Variants in EFCAB11 observed in about 807,000 individuals in gnomAD.
EFCAB11 encodes EF-hand calcium-binding domain-containing protein 11.
EFCAB11 carries 14 observed loss-of-function variants against 23.0 expected under a neutral mutation model. The observed-to-expected ratio is 0.61, with a 90% CI of 0.40 to 0.95. The LOEUF (loss-of-function observed/expected upper bound fraction) is 0.95, where lower values mean the gene tolerates loss of function less well. Among genes scored for constraint, EFCAB11 ranks in the 40% least tolerant of loss-of-function variants. The pLI is 0.00. For synonymous variants in EFCAB11, 65 were observed against 66.6 expected, an observed-to-expected ratio of 0.98 and a Z score of 0.11; for missense variants, 198 against 195.8, an observed-to-expected ratio of 1.01 and a Z score of -0.07.
chr14:89,865,091 C>T (rs1057144641), intron 5 of EFCAB11, among the ~76,000 whole-genome samples: 1 of 152,260 alleles, frequency 6.6e-6, no homozygotes, highest in African/African-American at 2.4e-5. Flanking sequence ...GGCCGGGAGC[C>T]GCTGCAGTCA....
At chr14:89,901,741 T>C (rs995546147) in intron 5 of EFCAB11, among the ~76,000 whole-genome samples, 1 of 152,116 alleles carries the variant, frequency 6.6e-6, no homozygotes, top group Non-Finnish European at 1.5e-5. Context: ...GTGTGAAATA[T>C]GATATGACAT....
intron 5 of EFCAB11, among the ~76,000 whole-genome samples, chr14:89,927,561 A>G (rs59664157): frequency 0.19 from 28,639 of 152,066 alleles, 3,112 homozygotes; most frequent in South Asian, 0.32. Flanking sequence ...ATTTTGCATC[A>G]CTAATAGCCT....
chr14:89,935,836 T>C (rs1890561522), intron 3 of EFCAB11, among the ~76,000 whole-genome samples: 1 of 152,080 alleles, frequency 6.6e-6, no homozygotes, highest in Non-Finnish European at 1.5e-5. Context: ...AGGCAAAACC[T>C]ATCTCCACTA....
At chr14:89,822,753 G>C (rs1159959397) in intron 5 of EFCAB11, among the ~76,000 whole-genome samples, 2 of 152,004 alleles carry the variant, frequency 1.3e-5, no homozygotes, top group Non-Finnish European at 2.9e-5. Flanking sequence ...ACTGAGAGTG[G>C]AGACCTCACT....
chr14:89,947,635 C>T (rs1434564957), intron 3 of EFCAB11, among the ~76,000 whole-genome samples: 2 of 152,198 alleles, frequency 1.3e-5, no homozygotes, highest in African/African-American at 4.8e-5. Flanking sequence ...ATAGTGCTGA[C>T]CACACCTTCC....
chr14:89,943,848 T>C (rs1359640490), intron 3 of EFCAB11, among the ~76,000 whole-genome samples: 2 of 150,318 alleles, frequency 1.3e-5, no homozygotes, highest in Admixed American at 6.6e-5. Flanking sequence ...CACACACACA[T>C]ACATACACAC....
At chr14:89,811,880 G>A (rs1332664204) in intron 5 of EFCAB11, among the ~76,000 whole-genome samples, 1 of 152,206 alleles carries the variant, frequency 6.6e-6, no homozygotes, top group Non-Finnish European at 1.5e-5. Context: ...ATACAAAGGA[G>A]ATGATCATGA....
chr14:89,891,932 G>A (rs1421022971), intron 5 of EFCAB11, among the ~76,000 whole-genome samples: 1 of 152,054 alleles, frequency 6.6e-6, no homozygotes, highest in East Asian at 1.9e-4. Context: ...CACGGTGGGC[G>A]CCGAGTGCTA....
At chr14:89,841,046 T>C (rs1887245342) in intron 5 of EFCAB11, among the ~76,000 whole-genome samples, 1 of 152,196 alleles carries the variant, frequency 6.6e-6, no homozygotes, top group Non-Finnish European at 1.5e-5. Flanking sequence ...GTCTTCTTCC[T>C]CACACTGCCT....
In EFCAB11 at chr14:89,796,308, T is replaced by C. The variant is rs902961577; in HGVS notation, c.*935A>G. The C allele has an allele frequency of 2.0e-5, 3 of 152,156 alleles. No individual in the cohort carries two copies. Among genetic ancestry groups the C allele is most frequent in the African/African-American group, 7.2e-5 (3 of 41,422 alleles). 9.4% of individuals were successfully genotyped at this position (152,156 alleles called of 1,614,324 possible). On this transcript the variant is annotated 3_prime_UTR_variant, in exon 6 of 6. Transcript: ENST00000316738. ...GAAGTCTTTATATGTTTTTTTTTAATTGAAAGTGTTTTTTTAGAGACAGGG... is the reference window on the plus strand; with the variant it reads ...GAAGTCTTTATATGTTTTTTTTTAACTGAAAGTGTTTTTTTAGAGACAGGG...
chr14:89,861,801 T>C (rs59134117), intron 5 of EFCAB11, among the ~76,000 whole-genome samples: 2,855 of 152,256 alleles, frequency 0.019, 93 homozygotes, highest in African/African-American at 0.064. Context: ...CCTTCTGCCA[T>C]GTTATGATGC....
intron 5 of EFCAB11, among the ~76,000 whole-genome samples, chr14:89,876,253 G>A (rs1021166988): frequency 6.6e-6 from 1 of 152,146 alleles, no homozygotes; most frequent in Non-Finnish European, 1.5e-5. Context: ...GGTGGTGGTC[G>A]AGGAGGAGGG....
intron 5 of EFCAB11, among the ~76,000 whole-genome samples, chr14:89,929,533 A>G (rs1319387885): frequency 2.6e-5 from 4 of 152,082 alleles, no homozygotes; most frequent in African/African-American, 9.7e-5. Context: ...ACTACAGCGC[A>G]TGCCACCATG....
In EFCAB11 at chr14:89,860,021, C is replaced by T. The variant is rs1221613087; in HGVS notation, c.411-62697G>A. The stretch of plus-strand genomic sequence containing the variant: ...AGGGAACAGAACCTAGGTCCTATGA[C>T]TCTGGTTCTAACGTGCTTTTTCCTT... On this transcript the variant is annotated intron_variant, in intron 5 of 5. Coordinates refer to ENST00000316738, the MANE Select transcript of EFCAB11 (RefSeq NM_145231.4). 2.0e-5 allele frequency among the ~76,000 whole-genome samples: 3 copies of T among 152,284 alleles called. No individual in the cohort carries two copies. In the East Asian group the frequency reaches 5.8e-4, roughly 29 times the overall value.
intron 5 of EFCAB11, among the ~76,000 whole-genome samples, chr14:89,895,258 G>C (rs983039394): frequency 6.6e-6 from 1 of 152,188 alleles, no homozygotes; most frequent in African/African-American, 2.4e-5. Context: ...TTATGAATAG[G>C]AAGACAATAT....
chr14:89,812,541 A>C (rs954481329), intron 5 of EFCAB11, among the ~76,000 whole-genome samples: 15 of 152,238 alleles, frequency 9.9e-5, no homozygotes, highest in African/African-American at 3.6e-4. Flanking sequence ...TTTAGAACAT[A>C]TTGTCAGAAC....
intron 5 of EFCAB11, among the ~76,000 whole-genome samples, chr14:89,889,228 A>T (rs1447991239): frequency 6.6e-6 from 1 of 152,242 alleles, no homozygotes; most frequent in African/African-American, 2.4e-5. Context: ...AAGGAAATGT[A>T]TGGAACATCT....
At chr14:89,937,908 T>C (rs1890646685) in intron 3 of EFCAB11, 1 of 152,118 alleles carries the variant, frequency 6.6e-6, no homozygotes, top group Non-Finnish European at 1.5e-5. Context: ...AGAGAGAGAC[T>C]AGAAAGATTA....
chr14:89,950,808 G>A (rs1025132361), intron 2 of EFCAB11, among the ~76,000 whole-genome samples: 14 of 152,034 alleles, frequency 9.2e-5, no homozygotes, highest in African/African-American at 3.1e-4. Flanking sequence ...CTCCACTTCT[G>A]GTCTCGAACC....
Sources: gnomAD v4.1 joint callset for allele counts (sites outside exome capture counted in the v4.1 genomes callset) on GRCh38, gnomAD v4.1.1 for gene constraint, MANE v1.5 for transcripts, NCBI Gene and HGNC (gene_info 2026-07-23, HGNC 2026-07-21) for gene names.